Variants in HIBCH observed in about 807,000 individuals in gnomAD.
HIBCH encodes 3-hydroxyisobutyryl-CoA hydrolase.
In HIBCH, 50 loss-of-function variants were observed where a neutral mutation model predicts 58.2. That is an observed-to-expected ratio of 0.86 (90% CI 0.68 to 1.09). The LOEUF (loss-of-function observed/expected upper bound fraction) is 1.09, where lower values mean the gene tolerates loss of function less well. Ranked by LOEUF, HIBCH falls within the 50% of genes least tolerant of loss-of-function variation. HIBCH has a pLI of 0.00. For synonymous variants in HIBCH, 151 were observed against 146.9 expected (o/e 1.03, Z -0.20); for missense variants, 450 against 449.7 (o/e 1.00, Z -0.01).
downstream of HIBCH, chr2:190,203,121 TG>T (rs1483647702): frequency 6.0e-6 from 1 of 167,062 alleles, no homozygotes; most frequent in African/African-American, 2.4e-5. Context: ...TCAGTATCAT[TG>T]GCCTTTTATC....
chr2:190,208,999 T>G, intron 12 of HIBCH, 86 bp from the exon 13 acceptor site: 2 of 1,206,470 alleles, frequency 1.7e-6, no homozygotes, highest in Non-Finnish European at 2.4e-6. Flanking sequence ...CACTTCAGCC[T>G]TCCACTCCCA....
chr2:190,216,885 G>A lies in HIBCH; in HGVS notation c.892-3810C>T, dbSNP rs185982930. On this transcript the variant is annotated intron_variant, in intron 11 of 13. Coordinates refer to ENST00000359678, the MANE Select transcript of HIBCH (RefSeq NM_014362.4). This position sits in a 1 kb window ranked among gnomAD's most constrained non-coding sequence, Gnocchi z 4.2. ...AAGCCACTAAGTCCCCTCCCAGAGC[G>A]GGACAAACCAGAGACCCTTTGCAGT... 4.6e-5 allele frequency among the ~76,000 whole-genome samples: 7 copies of A among 152,270 alleles called. No homozygotes were observed. Among genetic ancestry groups the A allele is most frequent in the African/African-American group, 7.2e-5 (3 of 41,550 alleles).
At chr2:190,224,628 A>C (rs966779892) in intron 11 of HIBCH, among the ~76,000 whole-genome samples, 3 of 152,178 alleles carry the variant, frequency 2.0e-5, no homozygotes, top group East Asian at 1.9e-4. Context: ...CACCCAGATT[A>C]ATAAAGCAAG....
chr2:190,205,272 G>T, intron 13 of HIBCH, 40 bp from the exon 14 acceptor site: 1 of 1,062,786 alleles, frequency 9.4e-7, no homozygotes, highest in Non-Finnish European at 1.5e-6. Flanking sequence ...CATTATTTTT[G>T]TCTAATATTG....
chr2:190,223,627 A>G (rs1685796115), intron 11 of HIBCH, among the ~76,000 whole-genome samples: 1 of 152,266 alleles, frequency 6.6e-6, no homozygotes, highest in Non-Finnish European at 1.5e-5. Flanking sequence ...GAAAATTAAT[A>G]TAATTAGTTC....
At chr2:190,314,511 C>T (rs1355615794) in intron 1 of HIBCH, among the ~76,000 whole-genome samples, 2 of 151,900 alleles carry the variant, frequency 1.3e-5, no homozygotes, top group Non-Finnish European at 2.9e-5. Flanking sequence ...CAGAGTCTTG[C>T]TGTGTCACCC....
At chr2:190,230,293 GA>G (rs971369681) in intron 11 of HIBCH, among the ~76,000 whole-genome samples, 2 of 151,296 alleles carry the variant, frequency 1.3e-5, no homozygotes, top group Non-Finnish European at 2.9e-5. Flanking sequence ...AAGAGAGAGA[GA>G]AAAAAAACAG....
At chr2:190,233,389 C>T (rs1043232737) in intron 11 of HIBCH, among the ~76,000 whole-genome samples, 1 of 152,170 alleles carries the variant, frequency 6.6e-6, no homozygotes, top group African/African-American at 2.4e-5. Flanking sequence ...AATTGAATCA[C>T]ATGGGCAGAT....
intron 2 of HIBCH, among the ~76,000 whole-genome samples, chr2:190,305,206 G>A (rs1688371743): frequency 6.6e-6 from 1 of 152,076 alleles, no homozygotes; most frequent in Non-Finnish European, 1.5e-5. Context: ...ATCCTTTTAA[G>A]GAAACGTTTG....
chr2:190,208,791 G>T (rs1248583292), intron 13 of HIBCH, 89 bp downstream of exon 13: 1 of 1,136,584 alleles, frequency 8.8e-7, no homozygotes. Flanking sequence ...TTTAGGATTT[G>T]GGATGCATAA....
At chr2:190,199,901 C>T, downstream of HIBCH, 1 of 1,613,974 alleles carries the variant, frequency 6.2e-7, no homozygotes, top group Non-Finnish European at 8.5e-7. Flanking sequence ...CCATTTCCTA[C>T]CATATATGAA....
chr2:190,275,566 A>G (rs1198708580), intron 6 of HIBCH, among the ~76,000 whole-genome samples: 1 of 152,214 alleles, frequency 6.6e-6, no homozygotes, highest in Non-Finnish European at 1.5e-5. Context: ...AATTACGCTA[A>G]AATTGAAGCA....
intron 1 of HIBCH, among the ~76,000 whole-genome samples, chr2:190,311,993 A>G (rs1324719859): frequency 2.0e-5 from 3 of 152,206 alleles, no homozygotes; most frequent in African/African-American, 7.2e-5. Flanking sequence ...GGAATGTTGG[A>G]AATTGTCTCT....
rs190908547 is a variant in HIBCH at position 190,281,512 on chromosome 2, G to C, written c.438+6074C>G. Among the ~76,000 whole-genome samples, 11 of 152,294 alleles carry C rather than the reference G, an allele frequency of 7.2e-5. No homozygotes were observed. The East Asian group carries it at 2.1e-3, about 29-fold the overall frequency. On this transcript the variant is annotated intron_variant, in intron 6 of 13. Coordinates refer to ENST00000359678, the MANE Select transcript of HIBCH (RefSeq NM_014362.4). The surrounding 1 kb of genome is among the most constrained non-coding windows in gnomAD (Gnocchi z 5.4). ...AGAGCTCTGGGCCTGTGATGAGAAAGGGAGGCTCAAAGGTCTCGGAAATGC... is the reference window on the plus strand; with the variant it reads ...AGAGCTCTGGGCCTGTGATGAGAAACGGAGGCTCAAAGGTCTCGGAAATGC...
chr2:190,224,424 A>G (rs1029638802), intron 11 of HIBCH, among the ~76,000 whole-genome samples: 26 of 152,186 alleles, frequency 1.7e-4, no homozygotes, highest in African/African-American at 6.3e-4. Flanking sequence ...GGCTTAAAAT[A>G]AAGGGATGGA....
intron 6 of HIBCH, among the ~76,000 whole-genome samples, chr2:190,280,661 C>T (rs1481059467): frequency 1.3e-5 from 2 of 152,108 alleles, no homozygotes; most frequent in Admixed American, 1.3e-4. Flanking sequence ...AATGAGCATG[C>T]GCACAACTTG....
chr2:190,287,744 T>C, intron 5 of HIBCH, 106 bp from the exon 6 acceptor site: 1 of 777,110 alleles, frequency 1.3e-6, no homozygotes, highest in Non-Finnish European at 2.2e-6. Context: ...CCTAGGAAAT[T>C]TTAGCAAGAA....
chr2:190,302,523 T>C (rs1471619051), intron 2 of HIBCH, among the ~76,000 whole-genome samples: 1 of 152,188 alleles, frequency 6.6e-6, no homozygotes, highest in Non-Finnish European at 1.5e-5. Flanking sequence ...GAAGGAATGC[T>C]GGTCAGTTGC....
At chr2:190,264,762 T>C (rs1040068364) in intron 6 of HIBCH, among the ~76,000 whole-genome samples, 4 of 152,182 alleles carry the variant, frequency 2.6e-5, no homozygotes, top group African/African-American at 9.7e-5. Flanking sequence ...TGCATATGTT[T>C]TGGTGCAAAA....
Sources: gnomAD v4.1 joint callset for allele counts (sites outside exome capture counted in the v4.1 genomes callset) on GRCh38, gnomAD v4.1.1 for gene constraint, Gnocchi (gnomAD v3.1) non-coding constraint, MANE v1.5 for transcripts, NCBI Gene and HGNC (gene_info 2026-07-23, HGNC 2026-07-21) for gene names.